Variants in RAD51B observed in about 807,000 individuals in gnomAD.
The protein encoded by RAD51B is DNA repair protein RAD51 homolog 2.
A neutral mutation model predicts 42.2 loss-of-function variants in RAD51B; 38 were observed. That is an observed-to-expected ratio of 0.90 (90% CI 0.70 to 1.18). The LOEUF is 1.18. Ranked by LOEUF, RAD51B falls within the 50% of genes most tolerant of loss-of-function variation. RAD51B has a pLI of 0.00. For missense variants in RAD51B, 373 were observed against 400.7 expected, an observed-to-expected ratio of 0.93 and a Z score of 0.59; for synonymous variants, 154 against 145.2, an observed-to-expected ratio of 1.06 and a Z score of -0.43.
Position 68,333,446 on chromosome 14 carries a change from C to G in RAD51B, c.853+41466C>G, listed in dbSNP as rs185405783. ...AGGAACTCAAACTGCTAATGGAAGA[C>G]GAAACTGGTAAAGCCACTTTGAAGA... is the stretch of plus-strand genomic sequence containing the variant. On this transcript the variant is annotated intron_variant, in intron 8 of 10. Coordinates refer to ENST00000471583, the MANE Select transcript of RAD51B (RefSeq NM_133510.4). 1.8e-4 allele frequency among the ~76,000 whole-genome samples: 28 copies of G among 152,298 alleles called. No homozygotes were observed. In the South Asian group the frequency reaches 5.8e-3, roughly 32 times the overall value.
At chr14:68,482,193 G>A (rs887524902), downstream of RAD51B, among the ~76,000 whole-genome samples, 12 of 151,980 alleles carry the variant, frequency 7.9e-5, no homozygotes, top group South Asian at 2.5e-3. Flanking sequence ...GTGTGTGTGT[G>A]TGTGTATGTG....
At chr14:67,943,456 T>C (rs1174374894) in intron 7 of RAD51B, among the ~76,000 whole-genome samples, 1 of 152,176 alleles carries the variant, frequency 6.6e-6, no homozygotes, top group African/African-American at 2.4e-5. Flanking sequence ...AAAGACCCTG[T>C]GGGATAAAAA....
At chr14:67,825,812 C>T (rs531644108) in intron 3 of RAD51B, among the ~76,000 whole-genome samples, 1 of 152,240 alleles carries the variant, frequency 6.6e-6, no homozygotes, top group African/African-American at 2.4e-5. Flanking sequence ...TCACTGTAGC[C>T]TCTGCCTCCT....
intron 7 of RAD51B, among the ~76,000 whole-genome samples, chr14:67,938,180 C>T (rs1156823062): frequency 6.6e-6 from 1 of 152,156 alleles, no homozygotes; most frequent in African/African-American, 2.4e-5. Context: ...GCTTTGCTTC[C>T]TAAAGTGTAA....
chr14:68,658,323 C>T (rs73287717), intron 11 of RAD51B, among the ~76,000 whole-genome samples: 2,322 of 152,338 alleles, frequency 0.015, 47 homozygotes, highest in South Asian at 0.042. Flanking sequence ...GGGCTCAGGA[C>T]ACTCAGCCCT....
intron 7 of RAD51B, among the ~76,000 whole-genome samples, chr14:67,975,857 G>A (rs1243754987): frequency 1.3e-5 from 2 of 152,152 alleles, no homozygotes; most frequent in Non-Finnish European, 2.9e-5. Context: ...ATGTAAGGAG[G>A]CAGCTTTAGG....
chr14:68,660,938 C>T (rs898173944), intron 11 of RAD51B, among the ~76,000 whole-genome samples: 3 of 152,150 alleles, frequency 2.0e-5, no homozygotes, highest in African/African-American at 7.2e-5. Flanking sequence ...GAGTGGCTGT[C>T]CCACATCTGC....
chr14:68,634,047 C>T (rs1235693239), intron 10 of RAD51B, among the ~76,000 whole-genome samples: 1 of 152,236 alleles, frequency 6.6e-6, no homozygotes, highest in Non-Finnish European at 1.5e-5. Context: ...TTCTGGCCTC[C>T]TGTCTGCATC....
intron 11 of RAD51B, among the ~76,000 whole-genome samples, chr14:68,680,629 T>C (rs1187751160): frequency 1.7e-4 from 26 of 152,182 alleles, no homozygotes; most frequent in Admixed American, 1.6e-3. Context: ...TGCTATCTGA[T>C]GGCCACACCC....
chr14:67,950,564 T>TG (rs1411627566), intron 7 of RAD51B, among the ~76,000 whole-genome samples: 2 of 152,218 alleles, frequency 1.3e-5, no homozygotes, highest in African/African-American at 4.8e-5. Context: ...AAGACTGTTT[T>TG]GCTTTGTTAG....
At chr14:68,381,467 A>T (rs2083476845) in intron 8 of RAD51B, among the ~76,000 whole-genome samples, 1 of 152,116 alleles carries the variant, frequency 6.6e-6, no homozygotes. Context: ...CAAGGTCAGG[A>T]GATCGAGACC....
chr14:67,879,447 TG>T (rs1461187003), intron 5 of RAD51B, among the ~76,000 whole-genome samples: 1 of 152,038 alleles, frequency 6.6e-6, no homozygotes, highest in African/African-American at 2.4e-5. Flanking sequence ...GTTTGTTTTT[TG>T]TTTTTTTTTT....
intron 7 of RAD51B, among the ~76,000 whole-genome samples, chr14:68,057,104 CAAAG>C (rs1566611611): frequency 2.7e-5 from 4 of 147,466 alleles, no homozygotes; most frequent in Non-Finnish European, 4.5e-5. Flanking sequence ...AAAAAAAAAA[CAAAG>C]GAAGAAGGAA....
chr14:68,541,468 C>A, intron 10 of RAD51B: 1 of 985,272 alleles, frequency 1.0e-6, no homozygotes. Flanking sequence ...GGGAATGGCC[C>A]CTCTGGCTGA....
chr14:68,275,694 A>G (rs79847806), intron 7 of RAD51B, among the ~76,000 whole-genome samples: 319 of 152,030 alleles, frequency 2.1e-3, no homozygotes, highest in African/African-American at 4.8e-3. Context: ...ACCCTGTTGC[A>G]TGCAAATTAG....
At chr14:68,202,733 C>T (rs964839008) in intron 7 of RAD51B, among the ~76,000 whole-genome samples, 2 of 151,782 alleles carry the variant, frequency 1.3e-5, no homozygotes, top group African/African-American at 4.8e-5. Flanking sequence ...CAGGTGTGTG[C>T]CTCCACACCT....
chr14:68,457,111 C>T (rs2085715691), intron 9 of RAD51B, among the ~76,000 whole-genome samples: 2 of 151,644 alleles, frequency 1.3e-5, no homozygotes, highest in South Asian at 4.2e-4. Flanking sequence ...CAGGGTTTTG[C>T]CATGTTGGTC....
chr14:68,575,191 G>T (rs1364834366), intron 10 of RAD51B, among the ~76,000 whole-genome samples: 1 of 152,230 alleles, frequency 6.6e-6, no homozygotes, highest in Non-Finnish European at 1.5e-5. Context: ...TTCTGTCAAA[G>T]ATACTGACTC....
At chr14:68,254,727 A>C (rs1259280759) in intron 7 of RAD51B, among the ~76,000 whole-genome samples, 2 of 152,226 alleles carry the variant, frequency 1.3e-5, no homozygotes, top group African/African-American at 4.8e-5. Context: ...TTAAAAGTGT[A>C]TATATTTTAT....
Sources: allele counts gnomAD v4.1 joint callset (sites outside exome capture counted in the v4.1 genomes callset), GRCh38; gene constraint gnomAD v4.1.1; transcripts MANE v1.5; gene names NCBI Gene and HGNC (gene_info 2026-07-23, HGNC 2026-07-21).